CD72: variants seen among roughly 807,000 people sequenced by gnomAD.
The protein encoded by CD72 is B-cell differentiation antigen CD72.
CD72 carries 28 observed loss-of-function variants against 50.7 expected under a neutral mutation model. The ratio of observed to expected loss-of-function variants is 0.55; its 90% CI spans 0.41 to 0.76. The LOEUF (loss-of-function observed/expected upper bound fraction) is 0.76, where lower values mean the gene tolerates loss of function less well. Ranked by LOEUF, CD72 falls within the 30% of genes least tolerant of loss-of-function variation. The pLI is 0.00. For missense variants in CD72, 403 were observed against 420.6 expected (o/e 0.96, Z 0.37); for synonymous variants, 176 against 171.2 (o/e 1.03, Z -0.22).
At chr9:35,643,949 G>A (rs927673633) in intron 1 of CD72, among the ~76,000 whole-genome samples, 10 of 151,460 alleles carry the variant, frequency 6.6e-5, no homozygotes, top group African/African-American at 2.4e-4. Flanking sequence ...TCGCACCATT[G>A]TACTCCAGCC....
rs1822991866 is a variant in CD72, at chr9:35,611,880, C to T, written c.874G>A (p.Gly292Ser). The T allele has an allele frequency of 1.9e-6, 3 of 1,611,284 alleles. No homozygotes were observed. In the South Asian group the frequency reaches 3.3e-5, roughly 18 times the overall value. Residue 292 changes from glycine to serine, a missense_variant, in exon 7 of 9, where the codon GGT becomes AGT. Gly to Ser is a moderately conservative substitution (Grantham distance 56). Transcript: ENST00000259633. Reference protein sequence around the residue: ...YFLNSLLPNGGSGNSYWTGLS... With the variant: ...YFLNSLLPNGSSGNSYWTGLS... The stretch of plus-strand genomic sequence containing the variant: ...CCAGTCCAATATGAATTCCCTGAAC[C>T]ACCATTTGGCAACAGTGAATTTAAG...
chr9:35,616,795 G>C, intron 3 of CD72, 106 bp from the exon 4 acceptor site: 1 of 1,083,382 alleles, frequency 9.2e-7, no homozygotes, highest in African/African-American at 1.6e-5. Context: ...ATCCCTAAGA[G>C]GAGGGCGGTG....
At chr9:35,630,053 G>C (rs201127075) in intron 1 of CD72, among the ~76,000 whole-genome samples, 1 of 32,364 alleles carries the variant, frequency 3.1e-5, no homozygotes, top group Non-Finnish European at 6.8e-5. Flanking sequence ...TTTTTTTTTT[G>C]GAGATGGGAG....
upstream of CD72, among the ~76,000 whole-genome samples, chr9:35,623,022 G>A (rs1268179904): frequency 7.2e-5 from 11 of 152,116 alleles, no homozygotes; most frequent in African/African-American, 2.7e-4. Context: ...GGGGAGGATT[G>A]TTTGAGCCCA....
chr9:35,619,007 A>G, upstream of CD72: 1 of 293,470 alleles, frequency 3.4e-6, no homozygotes, highest in Non-Finnish European at 6.9e-6. Context: ...AGAAGGCTGC[A>G]GCTTCCTAGG....
intron 5 of CD72, among the ~76,000 whole-genome samples, chr9:35,614,175 A>T (rs193118323): frequency 6.6e-6 from 1 of 152,270 alleles, no homozygotes; most frequent in Admixed American, 6.5e-5. Context: ...TACATAGAGG[A>T]ATTTTGTTCA....
In CD72 at chr9:35,610,014, C is replaced by G. The variant is rs1822948370; in HGVS notation, c.*309G>C. ...AAAAGATTTCAATAAAACTGCCTGG[C>G]TGGCTCCGGGCCGCCCCTATCCGCT... On this transcript the variant is annotated 3_prime_UTR_variant, in exon 9 of 9. Transcript: ENST00000259633. 1 of 422,366 alleles carries G rather than the reference C, an allele frequency of 2.4e-6. No homozygotes were observed. The highest frequency in any genetic ancestry group is 4.2e-5 in the Admixed American group (1 of 23,996). The allele number at this position is 422,366 out of a possible 1,614,324, so 26.2% of individuals were successfully genotyped here.
Position 35,612,905 on chromosome 9 carries a change from T to C in CD72, c.777A>G (p.Lys259=). ...LTSKNWQESQ[K]QCETLSSKLA... ...GCTTGGAAGACAGAGTTTCACATTGTTTTTGGCTCTCCTGCCAATTTTTTG... is the reference window on the plus strand; with the variant it reads ...GCTTGGAAGACAGAGTTTCACATTGCTTTTGGCTCTCCTGCCAATTTTTTG... Residue 259 remains lysine, a synonymous_variant, in exon 6 of 9, where the codon AAA becomes AAG. Transcript: ENST00000259633. 1 of 1,613,674 alleles carries C rather than the reference T, an allele frequency of 6.2e-7. No homozygotes were observed. The highest frequency in any genetic ancestry group is 8.5e-7 in the Non-Finnish European group (1 of 1,179,638).
upstream of CD72, among the ~76,000 whole-genome samples, chr9:35,623,156 T>C (rs1379021286): frequency 2.6e-5 from 4 of 152,242 alleles, no homozygotes; most frequent in African/African-American, 9.6e-5. Context: ...ACAGCAAGCA[T>C]TTATTGAAAA....
chr9:35,611,943 A>G (rs778035727), intron 6 of CD72, 24 bp from the exon 7 acceptor site: 5 of 1,195,806 alleles, frequency 4.2e-6, no homozygotes, highest in South Asian at 1.2e-5. Flanking sequence ...CAGAGAGACC[A>G]GAGATACATG....
chr9:35,638,289 G>A (rs1019665130), intron 1 of CD72, among the ~76,000 whole-genome samples: 10 of 151,674 alleles, frequency 6.6e-5, no homozygotes, highest in African/African-American at 1.5e-4. Context: ...CTTTTCTACC[G>A]ACCCATCTGA....
upstream of CD72, among the ~76,000 whole-genome samples, chr9:35,620,471 CAAAA>C (rs1043285697): frequency 8.9e-6 from 1 of 112,886 alleles, no homozygotes; most frequent in Non-Finnish European, 1.9e-5. Flanking sequence ...GCTCCATCTC[CAAAA>C]AAAAAAAAAA....
At chr9:35,631,438 T>C (rs757557439) in intron 1 of CD72, among the ~76,000 whole-genome samples, 34 of 152,218 alleles carry the variant, frequency 2.2e-4, no homozygotes, top group Non-Finnish European at 4.6e-4. Flanking sequence ...TTGAGAACCA[T>C]ATTTGCTTTT....
At chr9:35,633,016 C>T (rs1018611004) in intron 1 of CD72, among the ~76,000 whole-genome samples, 1 of 150,932 alleles carries the variant, frequency 6.6e-6, no homozygotes, top group Non-Finnish European at 1.5e-5. Flanking sequence ...CTGCAACCTC[C>T]ACCTCCTGGG....
intron 1 of CD72, among the ~76,000 whole-genome samples, chr9:35,639,490 A>G (rs1471258585): frequency 6.6e-6 from 1 of 152,240 alleles, no homozygotes; most frequent in Admixed American, 6.5e-5. Flanking sequence ...ACTGCCAGAA[A>G]GAAGCAGAAG....
intron 1 of CD72, among the ~76,000 whole-genome samples, chr9:35,641,725 G>T (rs1436719691): frequency 6.6e-6 from 1 of 152,228 alleles, no homozygotes; most frequent in East Asian, 1.9e-4. Context: ...GTCCTGCCTT[G>T]TGGCTCTTTT....
intron 6 of CD72, 131 bp downstream of exon 6, chr9:35,612,717 T>C (rs553964263): frequency 1.2e-6 from 1 of 824,754 alleles, no homozygotes; most frequent in East Asian, 2.5e-5. Context: ...AAGAGTATTA[T>C]GATTCTCAGT....
chr9:35,620,347 G>A (rs1031801844), upstream of CD72, among the ~76,000 whole-genome samples: 1 of 151,998 alleles, frequency 6.6e-6, no homozygotes, highest in Non-Finnish European at 1.5e-5. Context: ...GCTCGAACCT[G>A]TAGTCCCAGC....
At chr9:35,617,040 C>G (rs1563895860) in intron 3 of CD72, 136 bp downstream of exon 3, 2 of 1,470,040 alleles carry the variant, frequency 1.4e-6, no homozygotes, top group East Asian at 2.5e-5. Flanking sequence ...GAATGTGGCA[C>G]GGCAGCCCGG....
Sources: allele counts gnomAD v4.1 joint callset (sites outside exome capture counted in the v4.1 genomes callset), GRCh38; gene constraint gnomAD v4.1.1; transcripts MANE v1.5; gene names NCBI Gene and HGNC (gene_info 2026-07-23, HGNC 2026-07-21).